The following FARP2 variants were observed in gnomAD, a reference collection of about 807,000 sequenced individuals.
The protein encoded by FARP2 is FERM, ARHGEF and pleckstrin domain-containing protein 2.
FARP2 carries 111 observed loss-of-function variants against 130.5 expected under a neutral mutation model. That is an observed-to-expected ratio of 0.85 (90% confidence interval 0.73 to 1.00). The LOEUF (loss-of-function observed/expected upper bound fraction) is 1.00. Ranked by LOEUF, FARP2 falls within the 50% of genes least tolerant of loss-of-function variation. The pLI, the probability that FARP2 is intolerant of heterozygous loss-of-function variation, is 0.00. For synonymous variants in FARP2, 504 were observed against 516.9 expected, an observed-to-expected ratio of 0.98 and a Z score of 0.34; for missense variants, 1,385 against 1,346.3, an observed-to-expected ratio of 1.03 and a Z score of -0.45.
At position 241,465,568 on chromosome 2, in the gene FARP2, A is replaced by G. The variant is rs553229853; in HGVS notation, c.1893+1588A>G. 5.0e-5 allele frequency: 78 copies of G among 1,550,652 alleles called. No homozygotes were observed. The African/African-American group carries it at 1.0e-3, about 21-fold the overall frequency. ...AGTGAGATTTCTCTTCAATAGGAGC[A>G]ACGGTACAGGTGTTCACATGTGGAC... is the stretch of plus-strand genomic sequence containing the variant. On this transcript the variant is annotated intron_variant, in intron 17 of 26. Transcript: ENST00000264042.
intron 7 of FARP2, among the ~76,000 whole-genome samples, chr2:241,416,119 CTG>C (rs77183814): frequency 0.22 from 33,916 of 150,906 alleles, 4,616 homozygotes; most frequent in Admixed American, 0.4. Flanking sequence ...GTGTGTGTTT[CTG>C]TGTGTGGCTC....
At chr2:241,387,833 C>T (rs1006445053) in intron 2 of FARP2, among the ~76,000 whole-genome samples, 1 of 148,370 alleles carries the variant, frequency 6.7e-6, no homozygotes, top group South Asian at 2.2e-4. Flanking sequence ...TTTACAGTAG[C>T]ATTAAAAATA....
chr2:241,440,810 G>A (rs1202729206), intron 12 of FARP2, among the ~76,000 whole-genome samples: 5 of 152,132 alleles, frequency 3.3e-5, no homozygotes, highest in South Asian at 2.1e-4. Flanking sequence ...TCCTGGTAAC[G>A]GGATTCCAGG....
chr2:241,357,084 C>T (rs918589566), intron 1 of FARP2, among the ~76,000 whole-genome samples: 2 of 152,232 alleles, frequency 1.3e-5, no homozygotes, highest in African/African-American at 4.8e-5. Flanking sequence ...CCTGGCCTAT[C>T]ATGTGCCATT....
At chr2:241,479,381 C>A (rs1047529691) in intron 19 of FARP2, among the ~76,000 whole-genome samples, 1 of 152,236 alleles carries the variant, frequency 6.6e-6, no homozygotes. Flanking sequence ...GCATCCAGCA[C>A]GCCGTGGCCT....
intron 2 of FARP2, among the ~76,000 whole-genome samples, chr2:241,375,291 T>A (rs557076730): frequency 6.6e-6 from 1 of 152,298 alleles, no homozygotes; most frequent in African/African-American, 2.4e-5. Flanking sequence ...ATTTCCACCA[T>A]GTAGTCATCC....
In FARP2 at chr2:241,493,597, G is replaced by GTTT. The variant is rs11320829; in HGVS notation, c.3047+165_3047+167dup. 907 of 558,698 alleles carry GTTT rather than the reference G, an allele frequency of 1.6e-3. 1 individual carries two copies. The highest frequency in any genetic ancestry group is 3.3e-3 in the Middle Eastern group (7 of 2,090). 34.6% of individuals were successfully genotyped at this position (558,698 alleles called of 1,614,324 possible). ...CATTTCCAAAAAACAGCAATGCTTT[G>GTTT]TTTTTTTTTTTTTTGGAGATGGCGT... On this transcript the variant is annotated intron_variant, in intron 26 of 26. Coordinates refer to ENST00000264042, the MANE Select transcript of FARP2 (RefSeq NM_014808.4).
Position 241,491,510 on chromosome 2 carries a change from C to A in FARP2, c.2624-6C>A, listed in dbSNP as rs2064912016. 1 of 1,612,966 alleles carries A rather than the reference C, an allele frequency of 6.2e-7. No individual in the cohort carries two copies. Among genetic ancestry groups the A allele is most frequent in the Admixed American group, 1.7e-5 (1 of 59,988 alleles). On this transcript the variant is annotated splice_polypyrimidine_tract_variant and splice_region_variant and intron_variant, in intron 23 of 26. Transcript: ENST00000264042. ...TCCCCCTGAGACGCTGCTGACTTCT[C>A]CCCAGGATCCCCCAACGAGGTATCT...
At chr2:241,476,070 C>A in intron 19 of FARP2, 83 bp downstream of exon 19, 1 of 1,360,632 alleles carries the variant, frequency 7.3e-7, no homozygotes, top group Non-Finnish European at 1.0e-6. Context: ...CAAAAGTCAC[C>A]ATTTTAAAAT....
In FARP2 at chr2:241,461,282, G is replaced by A. The variant is rs539427668; in HGVS notation, c.1588-1241G>A. The stretch of plus-strand genomic sequence containing the variant: ...AGGATCTCACCCCTCACCCCTCCGC[G>A]CCCCCCAAGCCAGTGCTGTCTCGCC... On this transcript the variant is annotated intron_variant, in intron 14 of 26. Transcript: ENST00000264042. Among the ~76,000 whole-genome samples the A allele has an allele frequency of 3.9e-5, 6 of 151,920 alleles. No homozygotes were observed. In the South Asian group the frequency reaches 8.4e-4, roughly 21 times the overall value.
At chr2:241,456,656 G>A in intron 13 of FARP2, 91 bp from the exon 14 acceptor site, 1 of 1,299,134 alleles carries the variant, frequency 7.7e-7, no homozygotes, top group Non-Finnish European at 1.1e-6. Context: ...GAGGCTGGCG[G>A]TTGAATGGTC....
intron 8 of FARP2, among the ~76,000 whole-genome samples, chr2:241,419,866 A>G (rs1323042234): frequency 6.6e-6 from 1 of 152,224 alleles, no homozygotes; most frequent in Non-Finnish European, 1.5e-5. Flanking sequence ...AGCCAGTTAA[A>G]TAGCCTGGCA....
chr2:241,438,710 AG>A (rs2063307855), intron 12 of FARP2, among the ~76,000 whole-genome samples: 1 of 151,080 alleles, frequency 6.6e-6, no homozygotes, highest in African/African-American at 2.4e-5. Context: ...GCTCACTGCA[AG>A]CTCCGCCTCC....
intron 8 of FARP2, among the ~76,000 whole-genome samples, chr2:241,425,877 G>A (rs902638579): frequency 8.4e-5 from 10 of 119,692 alleles, no homozygotes; most frequent in African/African-American, 3.0e-4. Context: ...TTTTTTTTTT[G>A]AGACTACAGT....
intron 2 of FARP2, among the ~76,000 whole-genome samples, chr2:241,391,873 C>T (rs999661139): frequency 1.3e-5 from 2 of 152,152 alleles, no homozygotes; most frequent in Non-Finnish European, 2.9e-5. Flanking sequence ...AGTCAGGAGA[C>T]AGAAACTGTA....
At chr2:241,364,754 T>C (rs372685916) in intron 1 of FARP2, among the ~76,000 whole-genome samples, 12 of 152,348 alleles carry the variant, frequency 7.9e-5, no homozygotes, top group East Asian at 7.7e-4. Context: ...CAGTTTTTTG[T>C]TTGTTTTTAA....
chr2:241,378,557 C>T (rs903699151), intron 2 of FARP2, among the ~76,000 whole-genome samples: 2 of 151,718 alleles, frequency 1.3e-5, no homozygotes, highest in African/African-American at 4.8e-5. Flanking sequence ...GAACTACAGG[C>T]GTGTACCACC....
chr2:241,397,180 G>A (rs2062050809), intron 2 of FARP2, among the ~76,000 whole-genome samples: 2 of 151,686 alleles, frequency 1.3e-5, no homozygotes, highest in South Asian at 2.1e-4. Flanking sequence ...TCTGGGGACT[G>A]TTGTGCGGCG....
chr2:241,369,570 G>A (rs1575459530), intron 1 of FARP2, among the ~76,000 whole-genome samples: 1 of 151,762 alleles, frequency 6.6e-6, no homozygotes, highest in African/African-American at 2.4e-5. Context: ...GTTTAGACAT[G>A]ACTTTCTTAT....
Sources: gnomAD v4.1 joint callset for allele counts (sites outside exome capture counted in the v4.1 genomes callset) on GRCh38, gnomAD v4.1.1 for gene constraint, MANE v1.5 for transcripts, NCBI Gene and HGNC (gene_info 2026-07-23, HGNC 2026-07-21) for gene names.